Variants in FER observed in about 807,000 individuals in gnomAD.
The protein encoded by FER is tyrosine-protein kinase Fer.
In FER, 63 loss-of-function variants were observed where a neutral mutation model predicts 111.0. The observed-to-expected ratio is 0.57, with a 90% CI of 0.46 to 0.70. The LOEUF is 0.70. Ranked by LOEUF, FER falls within the 30% of genes least tolerant of loss-of-function variation. FER has a pLI of 0.00. For synonymous variants in FER, 327 were observed against 313.9 expected (o/e 1.04, Z -0.44); for missense variants, 914 against 954.0 (o/e 0.96, Z 0.55).
chr5:109,187,723 T>G lies in FER; in HGVS notation c.*148T>G. ...TTAACTGGGTGTTTTAAAAGTACGTTCCACTTGTAAAAAGTCAAAGGCAAA... is the reference window on the plus strand; with the variant it reads ...TTAACTGGGTGTTTTAAAAGTACGTGCCACTTGTAAAAAGTCAAAGGCAAA... On this transcript the variant is annotated 3_prime_UTR_variant, in exon 20 of 20. Coordinates refer to ENST00000281092, the MANE Select transcript of FER (RefSeq NM_005246.4). 9.6e-7 allele frequency: 1 copy of G among 1,046,288 alleles called. No homozygotes were observed. Among genetic ancestry groups the G allele is most frequent in the Non-Finnish European group, 1.4e-6 (1 of 736,810 alleles). The allele number at this position is 1,046,288 out of a possible 1,614,324, so 64.8% of individuals were successfully genotyped here.
At chr5:108,757,595 A>T (rs1271374999) in intron 1 of FER, among the ~76,000 whole-genome samples, 1 of 152,232 alleles carries the variant, frequency 6.6e-6, no homozygotes, top group Admixed American at 6.5e-5. Context: ...TGAGTGTTCC[A>T]GCTCTGTCAA....
At chr5:109,090,491 A>G (rs1778046909) in intron 16 of FER, among the ~76,000 whole-genome samples, 2 of 152,220 alleles carry the variant, frequency 1.3e-5, no homozygotes. Flanking sequence ...ATAAATTTAC[A>G]GGCCAACCCC....
intron 10 of FER, among the ~76,000 whole-genome samples, chr5:108,934,673 T>C (rs1040076604): frequency 6.6e-6 from 1 of 152,164 alleles, no homozygotes; most frequent in Non-Finnish European, 1.5e-5. Flanking sequence ...GTTTTCCAGC[T>C]ACTGCACTGT....
At chr5:109,171,965 A>G (rs1354933085) in intron 17 of FER, among the ~76,000 whole-genome samples, 1 of 152,204 alleles carries the variant, frequency 6.6e-6, no homozygotes, top group African/African-American at 2.4e-5. Context: ...AATGGCAATC[A>G]TTAAAAAGTC....
rs1428325677 is a variant in FER at position 109,190,371 on chromosome 5, A to G, written c.*2796A>G. 6.6e-6 allele frequency: 1 copy of G among 151,956 alleles called. No individual in the cohort carries two copies. The highest frequency in any genetic ancestry group is 1.5e-5 in the Non-Finnish European group (1 of 67,972). 9.4% of individuals were successfully genotyped at this position (151,956 alleles called of 1,614,324 possible). Reference sequence around the variant, plus strand: ...TTAATGGATTATTCAAGATATATATATATATTCTTACTACTGCATAGTTCC... The same window carrying G: ...TTAATGGATTATTCAAGATATATATGTATATTCTTACTACTGCATAGTTCC... On this transcript the variant is annotated 3_prime_UTR_variant, in exon 20 of 20. Transcript: ENST00000281092.
At chr5:108,812,969 G>T (rs1352110661) in intron 3 of FER, among the ~76,000 whole-genome samples, 3 of 151,914 alleles carry the variant, frequency 2.0e-5, no homozygotes, top group Non-Finnish European at 4.4e-5. Context: ...TAAATAATAA[G>T]TACATAATTC....
chr5:108,925,875 A>G (rs1056384121), intron 10 of FER, among the ~76,000 whole-genome samples: 3 of 151,978 alleles, frequency 2.0e-5, no homozygotes, highest in African/African-American at 7.2e-5. Flanking sequence ...AGGATATTGA[A>G]TCCATTGGGA....
rs575884029 is a variant in FER at position 108,973,817 on chromosome 5, T to C, written c.1656+14470T>C. Among the ~76,000 whole-genome samples the C allele has an allele frequency of 9.2e-5, 14 of 152,312 alleles. No individual in the cohort carries two copies. In the East Asian group the frequency reaches 2.7e-3, roughly 29 times the overall value. ...TACTTTCTAGTAATGCTGTATTCTCTTTTAAATAATAAATCTATATCCTTT... is the reference window on the plus strand; with the variant it reads ...TACTTTCTAGTAATGCTGTATTCTCCTTTAAATAATAAATCTATATCCTTT... On this transcript the variant is annotated intron_variant, in intron 13 of 19. Transcript: ENST00000281092.
intron 3 of FER, among the ~76,000 whole-genome samples, chr5:108,819,054 C>T (rs554009122): frequency 2.4e-4 from 37 of 152,034 alleles, no homozygotes; most frequent in Non-Finnish European, 4.0e-4. Flanking sequence ...CTAGCTCTGT[C>T]GCTTAGGCTG....
chr5:108,766,993 T>C (rs1236977128), intron 1 of FER, among the ~76,000 whole-genome samples: 1 of 152,188 alleles, frequency 6.6e-6, no homozygotes, highest in Non-Finnish European at 1.5e-5. Flanking sequence ...GATCATACTT[T>C]GGCATACTGA....
chr5:108,801,022 G>C (rs888259028), intron 3 of FER, among the ~76,000 whole-genome samples: 14 of 152,308 alleles, frequency 9.2e-5, no homozygotes, highest in African/African-American at 3.4e-4. Flanking sequence ...ACTCCAGCCT[G>C]GGCGACAGAG....
At chr5:108,788,251 G>A (rs1754967363) in intron 2 of FER, among the ~76,000 whole-genome samples, 1 of 152,240 alleles carries the variant, frequency 6.6e-6, no homozygotes, top group Non-Finnish European at 1.5e-5. Flanking sequence ...GCCTGTGCTG[G>A]TGCCTGCCTG....
At chr5:109,125,555 A>G (rs564764361) in intron 17 of FER, among the ~76,000 whole-genome samples, 2 of 152,326 alleles carry the variant, frequency 1.3e-5, no homozygotes, top group East Asian at 1.9e-4. Context: ...AACACAGTCT[A>G]TGAAATTAGG....
At chr5:109,121,772 T>C (rs1373679106) in intron 17 of FER, among the ~76,000 whole-genome samples, 1 of 152,090 alleles carries the variant, frequency 6.6e-6, no homozygotes, top group African/African-American at 2.4e-5. Context: ...TTAATCTCAT[T>C]ACTTGTTATT....
At chr5:108,761,924 T>A (rs369848110) in intron 1 of FER, among the ~76,000 whole-genome samples, 61 of 152,146 alleles carry the variant, frequency 4.0e-4, no homozygotes, top group African/African-American at 1.2e-3. Flanking sequence ...TATTATTATT[T>A]TTTTAAGATG....
chr5:109,144,563 T>C (rs187145552), intron 17 of FER, among the ~76,000 whole-genome samples: 25 of 152,318 alleles, frequency 1.6e-4, no homozygotes, highest in African/African-American at 5.8e-4. Context: ...CATTCCGATC[T>C]TTAAAAGTGA....
intron 17 of FER, among the ~76,000 whole-genome samples, chr5:109,124,179 A>C (rs1751374189): frequency 6.6e-6 from 1 of 152,196 alleles, no homozygotes. Flanking sequence ...GTGTGCCATG[A>C]TTGTGCCACT....
chr5:109,191,957 T>C lies in FER; in HGVS notation c.*4382T>C, dbSNP rs1323419216. ...AAAATGCTGTCCTACAGAAGGTGTA[T>C]AAACTATACCTTAGCCATAATTCAA... On this transcript the variant is annotated 3_prime_UTR_variant, in exon 20 of 20. Transcript: ENST00000281092. 6.6e-6 allele frequency: 1 copy of C among 152,130 alleles called. No homozygotes were observed. The highest frequency in any genetic ancestry group is 1.5e-5 in the Non-Finnish European group (1 of 68,022). The allele number at this position is 152,130 out of a possible 1,614,324, so 9.4% of individuals were successfully genotyped here.
chr5:109,032,053 T>A (rs1769703794), intron 13 of FER, among the ~76,000 whole-genome samples: 3 of 152,292 alleles, frequency 2.0e-5, no homozygotes, highest in East Asian at 3.9e-4. Flanking sequence ...ATACTGACAG[T>A]TCTATCTTAA....
Sources: gnomAD v4.1 joint callset for allele counts (sites outside exome capture counted in the v4.1 genomes callset) on GRCh38, gnomAD v4.1.1 for gene constraint, MANE v1.5 for transcripts, NCBI Gene and HGNC (gene_info 2026-07-23, HGNC 2026-07-21) for gene names.